The following LYPLAL1 variants were observed in gnomAD, a reference collection of about 807,000 sequenced individuals.
LYPLAL1 encodes lysophospholipase-like protein 1.
LYPLAL1 carries 23 observed loss-of-function variants against 19.7 expected under a neutral mutation model. The ratio of observed to expected loss-of-function variants is 1.17; its 90% confidence interval spans 0.84 to 1.65. The LOEUF (loss-of-function observed/expected upper bound fraction) is 1.65, where lower values mean the gene tolerates loss of function less well. LYPLAL1 is among the 40% of genes most tolerant of loss of function. The probability of loss-of-function intolerance (pLI) is 0.00; values close to 1 mark genes in which losing one functional copy is unlikely to be tolerated. For synonymous variants in LYPLAL1, 119 were observed against 96.3 expected, an observed-to-expected ratio of 1.24 and a Z score of -1.38; for missense variants, 355 against 279.4, an observed-to-expected ratio of 1.27 and a Z score of -1.93.
the LYPLAL1 span, among the ~76,000 whole-genome samples, chr1:219,319,536 TAGG>T: frequency 6.6e-6 from 1 of 152,122 alleles, no homozygotes; most frequent in African/African-American, 2.4e-5. Flanking sequence ...TCTGCAGAAA[TAGG>T]AGGGAGCAAA....
At chr1:219,183,785 TA>T (rs1656487367) in intron 2 of LYPLAL1, among the ~76,000 whole-genome samples, 1 of 151,930 alleles carries the variant, frequency 6.6e-6, no homozygotes, top group South Asian at 2.1e-4. Context: ...AAATTCTAAG[TA>T]GGTATTATAT....
chr1:219,270,801 A>G, the LYPLAL1 span: 1 of 152,152 alleles, frequency 6.6e-6, no homozygotes, highest in Non-Finnish European at 1.5e-5. Flanking sequence ...TAAAAAGGAA[A>G]TTCACTGAGG....
chr1:219,199,119 G>C (rs993739454), intron 3 of LYPLAL1, among the ~76,000 whole-genome samples: 1 of 152,128 alleles, frequency 6.6e-6, no homozygotes, highest in East Asian at 1.9e-4. Flanking sequence ...AAAGCATTTA[G>C]TATTTCTTTC....
At chr1:219,346,601 C>CT in the LYPLAL1 span, among the ~76,000 whole-genome samples, 33 of 151,926 alleles carry the variant, frequency 2.2e-4, no homozygotes, top group African/African-American at 7.7e-4. Context: ...GATAGGGATA[C>CT]TGGCAGAGAG....
the LYPLAL1 span, among the ~76,000 whole-genome samples, chr1:219,219,665 A>G: frequency 1.6e-3 from 245 of 152,306 alleles, 2 homozygotes; most frequent in Middle Eastern, 0.017. Flanking sequence ...CTATTATTCT[A>G]TGAGAAATGG....
the LYPLAL1 span, among the ~76,000 whole-genome samples, chr1:219,424,415 AG>A: frequency 1.3e-5 from 2 of 152,212 alleles, no homozygotes; most frequent in South Asian, 2.1e-4. Flanking sequence ...CTCAAGTTGG[AG>A]GACTGAAAAC....
chr1:219,306,785 G>GATAGATAGATAC, the LYPLAL1 span, among the ~76,000 whole-genome samples: 1 of 147,910 alleles, frequency 6.8e-6, no homozygotes, highest in Non-Finnish European at 1.5e-5. Context: ...TAGATAGATA[G>GATAGATAGATAC]ATACATAGAC....
At chr1:219,398,479 C>T in the LYPLAL1 span, among the ~76,000 whole-genome samples, 1 of 152,192 alleles carries the variant, frequency 6.6e-6, no homozygotes, top group South Asian at 2.1e-4. Flanking sequence ...TTTTAGCTTC[C>T]TTGGGTTGGG....
chr1:219,443,548 T>C, the LYPLAL1 span, among the ~76,000 whole-genome samples: 2 of 152,196 alleles, frequency 1.3e-5, no homozygotes, highest in Non-Finnish European at 1.5e-5. Flanking sequence ...CAGTAAGTCC[T>C]TACTTATCTT....
the LYPLAL1 span, among the ~76,000 whole-genome samples, chr1:219,337,325 A>G: frequency 2.6e-3 from 395 of 152,176 alleles, 3 homozygotes; most frequent in African/African-American, 8.2e-3. Context: ...AAGATTGTCA[A>G]ATTGATGTTA....
chr1:219,312,275 G>A, the LYPLAL1 span, among the ~76,000 whole-genome samples: 1 of 152,100 alleles, frequency 6.6e-6, no homozygotes, highest in Non-Finnish European at 1.5e-5. Flanking sequence ...ATGAGTGAGA[G>A]GACAGCTTGG....
the LYPLAL1 span, among the ~76,000 whole-genome samples, chr1:219,371,935 TC>T: frequency 6.6e-6 from 1 of 152,190 alleles, no homozygotes; most frequent in African/African-American, 2.4e-5. Context: ...TACTCCACTT[TC>T]CCAGGGTCTT....
the LYPLAL1 span, among the ~76,000 whole-genome samples, chr1:219,276,652 G>A: frequency 1.3e-5 from 2 of 152,152 alleles, no homozygotes; most frequent in Non-Finnish European, 2.9e-5. Context: ...GGCCTTTGGG[G>A]AATACGACAA....
At chr1:219,440,553 A>G in the LYPLAL1 span, among the ~76,000 whole-genome samples, 1 of 152,208 alleles carries the variant, frequency 6.6e-6, no homozygotes, top group Non-Finnish European at 1.5e-5. Flanking sequence ...AAATATCAGT[A>G]AAGATAATGG....
chr1:219,261,063 T>A, the LYPLAL1 span, among the ~76,000 whole-genome samples: 3 of 152,008 alleles, frequency 2.0e-5, no homozygotes, highest in Non-Finnish European at 4.4e-5. Flanking sequence ...TTATATCAGA[T>A]CCAAAAGACT....
At chr1:219,297,389 A>C in the LYPLAL1 span, among the ~76,000 whole-genome samples, 1 of 152,172 alleles carries the variant, frequency 6.6e-6, no homozygotes, top group Non-Finnish European at 1.5e-5. Context: ...TGAATGCTGG[A>C]AGTTTGGTGA....
chr1:219,371,405 C>G, the LYPLAL1 span, among the ~76,000 whole-genome samples: 1 of 152,168 alleles, frequency 6.6e-6, no homozygotes, highest in African/African-American at 2.4e-5. Context: ...TTCTTATGCT[C>G]TTTCTGTGAA....
At chr1:219,379,082 T>C in the LYPLAL1 span, among the ~76,000 whole-genome samples, 1 of 152,228 alleles carries the variant, frequency 6.6e-6, no homozygotes, top group Non-Finnish European at 1.5e-5. Context: ...TGTATGTTTG[T>C]CCTATACTTT....
the LYPLAL1 span, among the ~76,000 whole-genome samples, chr1:219,357,290 A>G: frequency 6.6e-6 from 1 of 152,226 alleles, no homozygotes. Context: ...CTTAAGACAA[A>G]CGTTGTACTT....
Sources: allele counts gnomAD v4.1 joint callset (sites outside exome capture counted in the v4.1 genomes callset), GRCh38; gene constraint gnomAD v4.1.1; transcripts MANE v1.5; gene names NCBI Gene and HGNC (gene_info 2026-07-23, HGNC 2026-07-21).